Variants in ILF2 observed in about 807,000 individuals in gnomAD.
The protein encoded by ILF2 is interleukin enhancer binding factor 2, also known as interleukin enhancer-binding factor 2.
In ILF2, 9 loss-of-function variants were observed where a neutral mutation model predicts 55.3. That is an observed-to-expected ratio of 0.16 (90% CI 0.10 to 0.28). The LOEUF is 0.28. Among genes scored for constraint, ILF2 ranks in the 10% least tolerant of loss-of-function variants. The probability of loss-of-function intolerance (pLI) is 1.00; values close to 1 mark genes in which losing one functional copy is unlikely to be tolerated. For missense variants in ILF2, 266 were observed against 474.9 expected (o/e 0.56, Z 4.09); for synonymous variants, 151 against 161.8 (o/e 0.93, Z 0.50).
At chr1:153,665,361 C>G (rs755105682) in intron 7 of ILF2, 25 bp from the exon 8 acceptor site, 2 of 1,424,836 alleles carry the variant, frequency 1.4e-6, no homozygotes. Flanking sequence ...TAAACAAAAA[C>G]TATAACTCAC....
Position 153,663,996 on chromosome 1 carries a change from T to TACTACTACTACC in ILF2, c.744+46_744+47insGGTAGTAGTAGT, listed in dbSNP as rs527872479. 8 of 433,860 alleles carry TACTACTACTACC rather than the reference T, an allele frequency of 1.8e-5. 1 individual carries two copies. Among genetic ancestry groups the TACTACTACTACC allele is most frequent in the Middle Eastern group, 4.6e-4 (1 of 2,166 alleles). The allele number at this position is 433,860 out of a possible 1,614,324, so 26.9% of individuals were successfully genotyped here. On this transcript the variant is annotated intron_variant, in intron 10 of 13. Coordinates refer to ENST00000361891, the MANE Select transcript of ILF2 (RefSeq NM_004515.4). ...CTACTACTACTACTACTACTACTAC[T>TACTACTACTACC]AGTAAATAAGGATGATGAGGAACTC...
chr1:153,670,968 C>T lies in ILF2; in HGVS notation c.-46G>A. On this transcript the variant is annotated 5_prime_UTR_variant, in exon 1 of 14. Transcript: ENST00000361891. ...ATGGAGGCCGCACCAACCGCCCCTT[C>T]CTCTGAGTAGCAGACAACTGAAGAG... is the stretch of plus-strand genomic sequence containing the variant. 6.2e-7 allele frequency: 1 copy of T among 1,613,900 alleles called. No individual in the cohort carries two copies. The highest frequency in any genetic ancestry group is 8.5e-7 in the Non-Finnish European group (1 of 1,179,718).
At chr1:153,663,728 C>T (rs778363712) in intron 10 of ILF2, among the ~76,000 whole-genome samples, 5 of 151,110 alleles carry the variant, frequency 3.3e-5, no homozygotes, top group Non-Finnish European at 7.4e-5. Flanking sequence ...TTTCTCTCTA[C>T]TACCATGATT....
Position 153,668,532 on chromosome 1 carries a change from T to G in ILF2, c.134A>C (p.Lys45Thr), listed in dbSNP as rs200909162. Reference sequence around the variant, plus strand: ...GAAGGAAGTTTCATCAGGTGCTGGCTTGACCCGGGGAAAGGCCATTTCACA... The same window carrying G: ...GAAGGAAGTTTCATCAGGTGCTGGCGTGACCCGGGGAAAGGCCATTTCACA... Reference protein sequence around the residue: ...YLCEMAFPRVKPAPDETSFSE... With the variant: ...YLCEMAFPRVTPAPDETSFSE... Residue 45 changes from lysine (K) to threonine (T), a missense_variant, in exon 4 of 14, where the codon AAG becomes ACG. Transcript: ENST00000361891. 1 of 1,614,004 alleles carries G rather than the reference T, an allele frequency of 6.2e-7. No individual in the cohort carries two copies. The highest frequency in any genetic ancestry group is 1.3e-5 in the African/African-American group (1 of 75,058).
chr1:153,669,900 A>G (rs528084018), intron 2 of ILF2, 22 bp from the exon 3 acceptor site: 5 of 1,596,034 alleles, frequency 3.1e-6, no homozygotes, highest in Admixed American at 1.7e-5. Flanking sequence ...AAAACAGCCA[A>G]ATTATTCCCT....
At chr1:153,669,012 C>T (rs181710855) in intron 3 of ILF2, among the ~76,000 whole-genome samples, 124 of 152,146 alleles carry the variant, frequency 8.2e-4, no homozygotes, top group African/African-American at 2.7e-3. Flanking sequence ...CAAGATCAGC[C>T]TGGGCAACAT....
At chr1:153,668,196 A>C in intron 4 of ILF2, 119 bp from the exon 5 acceptor site, 1 of 804,848 alleles carries the variant, frequency 1.2e-6, no homozygotes, top group Non-Finnish European at 2.0e-6. Context: ...ATAGGGCTTT[A>C]AAAACACTTC....
At position 153,663,991 on chromosome 1, in the gene ILF2, A is replaced by G; in HGVS notation, c.744+52T>C. ...TACTACTACTACTACTACTACTACT[A>G]CTACTAGTAAATAAGGATGATGAGG... On this transcript the variant is annotated intron_variant, in intron 10 of 13. Coordinates refer to ENST00000361891, the MANE Select transcript of ILF2 (RefSeq NM_004515.4). 3.6e-6 allele frequency: 3 copies of G among 843,508 alleles called. 1 individual carries two copies. The highest frequency in any genetic ancestry group is 3.1e-5 in the South Asian group (2 of 65,326). The allele number at this position is 843,508 out of a possible 1,614,324, so 52.3% of individuals were successfully genotyped here.
In ILF2 at chr1:153,662,316, C is replaced by A; in HGVS notation, c.*80G>T. The A allele has an allele frequency of 6.4e-7, 1 of 1,571,266 alleles. No homozygotes were observed. Among genetic ancestry groups the A allele is most frequent in the Non-Finnish European group, 8.7e-7 (1 of 1,155,398 alleles). On this transcript the variant is annotated 3_prime_UTR_variant, in exon 14 of 14. Coordinates refer to ENST00000361891, the MANE Select transcript of ILF2 (RefSeq NM_004515.4). ...TATCTTCCCTATCCCACGGAAATGTCTGTCACCATGTAAAGCCCAGTAGCA... is the reference window on the plus strand; with the variant it reads ...TATCTTCCCTATCCCACGGAAATGTATGTCACCATGTAAAGCCCAGTAGCA...
Position 153,670,926 on chromosome 1 carries a change from G to T in ILF2, c.-4C>A, listed in dbSNP as rs779742499. The T allele has an allele frequency of 1.9e-6, 3 of 1,614,010 alleles. No homozygotes were observed. On this transcript the variant is annotated 5_prime_UTR_variant, in exon 1 of 14. Coordinates refer to ENST00000361891, the MANE Select transcript of ILF2 (RefSeq NM_004515.4). Reference sequence around the variant, plus strand: ...CGCTTCGACCCACTTACCTCATGGCGCCTTAAAACACGAACAATGGAGGCC... The same window carrying T: ...CGCTTCGACCCACTTACCTCATGGCTCCTTAAAACACGAACAATGGAGGCC...
intron 8 of ILF2, among the ~76,000 whole-genome samples, chr1:153,664,747 G>A (rs969044674): frequency 2.6e-5 from 4 of 152,098 alleles, no homozygotes; most frequent in African/African-American, 9.7e-5. Flanking sequence ...TAGTAGAGAC[G>A]GGGTTTCATC....
intron 4 of ILF2, 76 bp downstream of exon 4, chr1:153,668,377 C>A: frequency 1.9e-6 from 3 of 1,555,464 alleles, no homozygotes; most frequent in Non-Finnish European, 2.6e-6. Flanking sequence ...CATTCTTAAC[C>A]TTACCAACAG....
rs1372478104 is a variant in ILF2 at position 153,662,724 on chromosome 1, G to C, written c.993C>G (p.Gly331=). The part of the protein sequence containing the change: ...LSHGGFRKIL[G]QEGDASYLAS... ...ACTCACAGCTGGCATCACCCTCCTG[G>C]CCAAGGATCTTCCTAAAGCCACCAT... is the stretch of plus-strand genomic sequence containing the variant. Residue 331 remains glycine (G), a synonymous_variant, in exon 13 of 14, where the codon GGC becomes GGG. Coordinates refer to ENST00000361891, the MANE Select transcript of ILF2 (RefSeq NM_004515.4). 1 of 1,613,946 alleles carries C rather than the reference G, an allele frequency of 6.2e-7. No individual in the cohort carries two copies.
chr1:153,663,658 G>T (rs931293775), intron 10 of ILF2, among the ~76,000 whole-genome samples: 1 of 151,860 alleles, frequency 6.6e-6, no homozygotes, highest in African/African-American at 2.4e-5. Context: ...TGGTCATTAA[G>T]GTCTAAGTCT....
intron 5 of ILF2, 116 bp from the exon 6 acceptor site, chr1:153,667,773 G>A: frequency 1.3e-6 from 1 of 760,540 alleles, no homozygotes; most frequent in Non-Finnish European, 2.2e-6. Context: ...TAGCAGAGGT[G>A]AAATCACCCC....
chr1:153,665,623 C>T lies in ILF2; in HGVS notation c.460+40G>A, dbSNP rs376511568. On this transcript the variant is annotated intron_variant, in intron 7 of 13. Transcript: ENST00000361891. ...GTACTTACAATTACAAGACCTGGTT[C>T]CTATGGCTACTAAATACAGAATCAG... The T allele has an allele frequency of 6.0e-6, 9 of 1,498,536 alleles. No homozygotes were observed. The African/African-American group carries it at 1.2e-4, about 21-fold the overall frequency. 92.8% of individuals were successfully genotyped at this position (1,498,536 alleles called of 1,614,324 possible). A position where few individuals can be genotyped will look rare whatever the true frequency, so the allele number is the denominator to read the frequency against.
intron 2 of ILF2, 114 bp from the exon 3 acceptor site, chr1:153,669,992 C>T (rs1669403462): frequency 2.7e-6 from 3 of 1,114,728 alleles, no homozygotes; most frequent in Non-Finnish European, 1.4e-6. Context: ...ACAAAGTCTC[C>T]GGGGAGGGAA....
At position 153,662,766 on chromosome 1, in the gene ILF2, G is replaced by A; in HGVS notation, c.951C>T (p.Leu317=). 3 of 1,614,184 alleles carry A rather than the reference G, an allele frequency of 1.9e-6. No homozygotes were observed. Among genetic ancestry groups the A allele is most frequent in the Non-Finnish European group, 2.5e-6 (3 of 1,180,022 alleles). ...QDMVCYTAQT[L]VRILSHGGFR... Reference sequence around the variant, plus strand: ...AGCCACCATGTGAGAGGATTCGGACGAGAGTCTGAGCTGTATAGCAGACCA... The same window carrying A: ...AGCCACCATGTGAGAGGATTCGGACAAGAGTCTGAGCTGTATAGCAGACCA... Residue 317 remains leucine, a synonymous_variant, in exon 13 of 14, where the codon CTC becomes CTT. Coordinates refer to ENST00000361891, the MANE Select transcript of ILF2 (RefSeq NM_004515.4).
intron 2 of ILF2, 30 bp from the exon 3 acceptor site, chr1:153,669,908 C>T (rs775087656): frequency 6.3e-7 from 1 of 1,581,616 alleles, no homozygotes; most frequent in Admixed American, 1.7e-5. Flanking sequence ...CAAATTATTC[C>T]CTAGGTAGGA....
Sources: gnomAD v4.1 joint callset for allele counts (sites outside exome capture counted in the v4.1 genomes callset) on GRCh38, gnomAD v4.1.1 for gene constraint, MANE v1.5 for transcripts, NCBI Gene and HGNC (gene_info 2026-07-23, HGNC 2026-07-21) for gene names.